The following CTNND2 variants were observed in gnomAD, a reference collection of about 807,000 sequenced individuals.
CTNND2 encodes the protein catenin delta-2.
CTNND2 carries 22 observed loss-of-function variants against 144.4 expected under a neutral mutation model. The observed-to-expected ratio is 0.15, with a 90% CI of 0.11 to 0.22. The LOEUF (loss-of-function observed/expected upper bound fraction) is 0.22, where lower values mean the gene tolerates loss of function less well. CTNND2 is among the 10% of genes least tolerant of loss of function. CTNND2 has a pLI of 1.00. For missense variants in CTNND2, 1,353 were observed against 1,618.8 expected (o/e 0.84, Z 2.82); for synonymous variants, 751 against 695.6 (o/e 1.08, Z -1.25).
At chr5:11,260,412 G>A (rs967301829) in intron 9 of CTNND2, among the ~76,000 whole-genome samples, 4 of 151,830 alleles carry the variant, frequency 2.6e-5, no homozygotes, top group Non-Finnish European at 5.9e-5. Context: ...AAAGCACAAG[G>A]TCTCACACGA....
chr5:11,709,434 T>C lies in CTNND2; in HGVS notation c.174+22702A>G, dbSNP rs111475513. Among the ~76,000 whole-genome samples, 1,299 of 152,330 alleles carry C rather than the reference T, an allele frequency of 8.5e-3. 11 individuals are homozygous for C. The highest frequency in any genetic ancestry group is 0.015 in the Non-Finnish European group (1,009 of 68,028). On this transcript the variant is annotated intron_variant, in intron 2 of 21. Transcript: ENST00000304623. ...CAACTATACTGTGACATGGGTGTGT[T>C]TGCTCAAATAATTTAATCATGTAAA...
At chr5:11,631,132 A>G (rs1436373584) in intron 2 of CTNND2, among the ~76,000 whole-genome samples, 1 of 152,100 alleles carries the variant, frequency 6.6e-6, no homozygotes, top group Non-Finnish European at 1.5e-5. Context: ...CATTCAATAA[A>G]GCTTTTCCTA....
At chr5:11,133,864 C>T (rs1420233860) in intron 12 of CTNND2, among the ~76,000 whole-genome samples, 1 of 152,214 alleles carries the variant, frequency 6.6e-6, no homozygotes, top group African/African-American at 2.4e-5. Context: ...AGTCTGTCTG[C>T]TTCCATTATT....
chr5:11,784,236 G>A (rs1452565072), intron 1 of CTNND2, among the ~76,000 whole-genome samples: 2 of 152,088 alleles, frequency 1.3e-5, no homozygotes, highest in African/African-American at 4.8e-5. Context: ...TCATGTCCAT[G>A]GAATTCAAAT....
chr5:11,109,896 A>C (rs1300858948), intron 14 of CTNND2, among the ~76,000 whole-genome samples: 3 of 152,252 alleles, frequency 2.0e-5, no homozygotes, highest in African/African-American at 7.2e-5. Context: ...TTTGCATATG[A>C]CATATTATAC....
At chr5:11,636,831 G>A (rs972986825) in intron 2 of CTNND2, among the ~76,000 whole-genome samples, 1 of 152,216 alleles carries the variant, frequency 6.6e-6, no homozygotes, top group Non-Finnish European at 1.5e-5. Flanking sequence ...AGAAGGGGCA[G>A]TGGAGAACAC....
At chr5:11,172,331 T>C (rs954859870) in intron 11 of CTNND2, among the ~76,000 whole-genome samples, 4 of 152,210 alleles carry the variant, frequency 2.6e-5, no homozygotes, top group Admixed American at 2.6e-4. Flanking sequence ...GTTATGACTA[T>C]GGGAAAGTGA....
intron 9 of CTNND2, among the ~76,000 whole-genome samples, chr5:11,330,210 A>G (rs762943120): frequency 1.3e-5 from 2 of 151,104 alleles, no homozygotes; most frequent in Admixed American, 6.6e-5. Flanking sequence ...GGTGGCTCAC[A>G]CCTGTAATCC....
chr5:11,610,815 T>G (rs1324791768), intron 2 of CTNND2, among the ~76,000 whole-genome samples: 1 of 152,214 alleles, frequency 6.6e-6, no homozygotes, highest in Non-Finnish European at 1.5e-5. Context: ...GCATATTTGC[T>G]CAGGTAGAAA....
intron 2 of CTNND2, among the ~76,000 whole-genome samples, chr5:11,645,164 C>T (rs1268717821): frequency 6.6e-6 from 1 of 152,058 alleles, no homozygotes; most frequent in Non-Finnish European, 1.5e-5. Flanking sequence ...CGGGGTTTCA[C>T]TGTGTTACCC....
At chr5:11,332,802 T>C (rs1021699719) in intron 9 of CTNND2, among the ~76,000 whole-genome samples, 1 of 152,182 alleles carries the variant, frequency 6.6e-6, no homozygotes, top group Non-Finnish European at 1.5e-5. Context: ...CCACGTGTCA[T>C]GGGAGGGACG....
At chr5:11,458,233 G>T (rs1765899425) in intron 3 of CTNND2, among the ~76,000 whole-genome samples, 1 of 152,184 alleles carries the variant, frequency 6.6e-6, no homozygotes, top group Admixed American at 6.5e-5. Context: ...TAAAATATAT[G>T]ACTGTGGATA....
chr5:11,237,529 C>G (rs1467577781), intron 9 of CTNND2, among the ~76,000 whole-genome samples: 1 of 151,922 alleles, frequency 6.6e-6, no homozygotes, highest in African/African-American at 2.4e-5. Context: ...GAGATGGGGT[C>G]TTACTGTGTC....
At chr5:11,847,129 TA>T (rs1561854240) in intron 1 of CTNND2, among the ~76,000 whole-genome samples, 146 of 3,582 alleles carry the variant, frequency 0.041, 1 homozygote, top group East Asian at 0.16. Context: ...TCAAAGATTT[TA>T]TATATATATA....
chr5:11,309,131 A>G (rs1387070926), intron 9 of CTNND2, among the ~76,000 whole-genome samples: 3 of 152,190 alleles, frequency 2.0e-5, no homozygotes, highest in Admixed American at 6.5e-5. Context: ...AATTGAAACC[A>G]TATCATCAGC....
intron 12 of CTNND2, among the ~76,000 whole-genome samples, chr5:11,132,474 G>A (rs1425711251): frequency 2.0e-5 from 3 of 152,160 alleles, no homozygotes; most frequent in Non-Finnish European, 4.4e-5. Flanking sequence ...AGGGGACTCC[G>A]AGACTCTTTG....
In CTNND2 at chr5:11,194,193, G is replaced by C. The variant is rs114525967; in HGVS notation, c.1975+5255C>G. Among the ~76,000 whole-genome samples the C allele has an allele frequency of 6.2e-3, 947 of 152,260 alleles. 5 individuals carry two copies. The highest frequency in any genetic ancestry group is 5.6e-3 in the Non-Finnish European group (384 of 68,008). On this transcript the variant is annotated intron_variant, in intron 11 of 21. Transcript: ENST00000304623. ...TACACACAGAGGGGACCCTATCCCA[G>C]GGAGGTGGCTAACTTTCCTGGTGGA... is the stretch of plus-strand genomic sequence containing the variant.
intron 7 of CTNND2, among the ~76,000 whole-genome samples, chr5:11,374,296 T>C (rs1182118796): frequency 6.6e-6 from 1 of 152,196 alleles, no homozygotes; most frequent in African/African-American, 2.4e-5. Flanking sequence ...AAGAACAACA[T>C]AACTTGACAT....
At chr5:11,412,572 A>G (rs189995454) in intron 3 of CTNND2, among the ~76,000 whole-genome samples, 70 of 152,264 alleles carry the variant, frequency 4.6e-4, no homozygotes, top group African/African-American at 1.4e-3. Context: ...ACACTTTACC[A>G]CCAACTAAAT....
Sources: gnomAD v4.1 joint callset for allele counts (sites outside exome capture counted in the v4.1 genomes callset) on GRCh38, gnomAD v4.1.1 for gene constraint, MANE v1.5 for transcripts, NCBI Gene and HGNC (gene_info 2026-07-23, HGNC 2026-07-21) for gene names.